Variants in MAP1LC3A observed in about 807,000 individuals in gnomAD.
MAP1LC3A encodes microtubule-associated protein 1 light chain 3 alpha.
Under a neutral mutation model 15.2 loss-of-function variants are expected in MAP1LC3A, and 10 were observed. That is an observed-to-expected ratio of 0.66 (90% CI 0.41 to 1.12). The LOEUF (loss-of-function observed/expected upper bound fraction) is 1.12. Ranked by LOEUF, MAP1LC3A falls within the 50% of genes most tolerant of loss-of-function variation. The probability of loss-of-function intolerance (pLI) is 0.00; values close to 1 mark genes in which losing one functional copy is unlikely to be tolerated. For missense variants in MAP1LC3A, 138 were observed against 167.3 expected (o/e 0.82, Z 0.97); for synonymous variants, 63 against 64.3 (o/e 0.98, Z 0.10).
At chr20:34,549,252 T>C (rs1225899737) in intron 1 of MAP1LC3A, among the ~76,000 whole-genome samples, 8 of 146,732 alleles carry the variant, frequency 5.5e-5, no homozygotes, top group East Asian at 4.1e-4. Context: ...TCTAGAACTC[T>C]TGACCTCAGG....
chr20:34,549,255 A>G (rs1038733108), intron 1 of MAP1LC3A, among the ~76,000 whole-genome samples: 3 of 151,740 alleles, frequency 2.0e-5, no homozygotes, highest in African/African-American at 7.3e-5. Context: ...AGAACTCTTG[A>G]CCTCAGGTGA....
In MAP1LC3A at chr20:34,559,409, G is replaced by T. The variant is rs1401429745; in HGVS notation, c.159G>T (p.Leu53Phe). 6.5e-7 allele frequency: 1 copy of T among 1,547,422 alleles called. No homozygotes were observed. Among genetic ancestry groups the T allele is most frequent in the East Asian group, 2.5e-5 (1 of 39,480 alleles). ...CCGTCCTGGACAAGACCAAGTTTTTGGTCCCGGACCATGTCAACATGAGCG... is the reference window on the plus strand; with the variant it reads ...CCGTCCTGGACAAGACCAAGTTTTTTGTCCCGGACCATGTCAACATGAGCG... ...QLPVLDKTKF[L>F]VPDHVNMSEL... is the part of the protein sequence containing the mutation. Residue 53 changes from leucine to phenylalanine, a missense_variant, in exon 3 of 4, where the codon TTG (leucine) becomes TTT (phenylalanine). Transcript: ENST00000360668.
intron 1 of MAP1LC3A, among the ~76,000 whole-genome samples, chr20:34,547,909 T>C (rs1461271597): frequency 6.6e-6 from 1 of 151,918 alleles, no homozygotes; most frequent in Non-Finnish European, 1.5e-5. Context: ...GAATGAAACT[T>C]TGGAAGGGGC....
At chr20:34,550,108 A>G in intron 2 of MAP1LC3A, 2 of 1,434,000 alleles carry the variant, frequency 1.4e-6, no homozygotes, top group East Asian at 2.3e-5. Context: ...TCAGTGGCCA[A>G]GCAGGCCAGG....
At chr20:34,549,239 T>G (rs765529448) in intron 1 of MAP1LC3A, among the ~76,000 whole-genome samples, 2 of 152,062 alleles carry the variant, frequency 1.3e-5, no homozygotes, top group Non-Finnish European at 2.9e-5. Context: ...TTGGCCAGGC[T>G]GGTCTAGAAC....
intron 2 of MAP1LC3A, chr20:34,550,080 TG>T (rs781659184): frequency 6.4e-7 from 1 of 1,573,578 alleles, no homozygotes; most frequent in Non-Finnish European, 8.7e-7. Flanking sequence ...GCCTATGGTC[TG>T]TCCACACTCG....
At chr20:34,551,846 G>GC (rs1310296662) in intron 2 of MAP1LC3A, among the ~76,000 whole-genome samples, 1 of 152,056 alleles carries the variant, frequency 6.6e-6, no homozygotes. Context: ...TGACACCTCT[G>GC]CATTTCATTG....
chr20:34,548,777 C>T (rs532272008), intron 1 of MAP1LC3A, among the ~76,000 whole-genome samples: 1 of 151,630 alleles, frequency 6.6e-6, no homozygotes, highest in African/African-American at 2.4e-5. Context: ...ACAATCTCGA[C>T]TCACTAAAAC....
At chr20:34,557,368 C>G (rs1982198309), upstream of MAP1LC3A, among the ~76,000 whole-genome samples, 2 of 152,172 alleles carry the variant, frequency 1.3e-5, no homozygotes, top group African/African-American at 4.8e-5. Context: ...TGGTGATCCT[C>G]TTAAATATCT....
In MAP1LC3A at chr20:34,559,333, C is replaced by G; in HGVS notation, c.97-14C>G. The G allele has an allele frequency of 6.2e-7, 1 of 1,601,224 alleles. No homozygotes were observed. The highest frequency in any genetic ancestry group is 8.5e-7 in the Non-Finnish European group (1 of 1,172,722). On this transcript the variant is annotated splice_polypyrimidine_tract_variant and intron_variant, in intron 2 of 3. Coordinates refer to ENST00000360668, the MANE Select transcript of MAP1LC3A (RefSeq NM_032514.4). ...TTCCCGACACGACCCCCTGCCCGCCCGCCCTGCTCCCAGGTGATCATCGAG... is the reference window on the plus strand; with the variant it reads ...TTCCCGACACGACCCCCTGCCCGCCGGCCCTGCTCCCAGGTGATCATCGAG...
chr20:34,559,791 A>G lies in MAP1LC3A; in HGVS notation c.259A>G (p.Ser87Gly). The G allele has an allele frequency of 2.5e-6, 4 of 1,613,772 alleles. No individual in the cohort carries two copies. Among genetic ancestry groups the G allele is most frequent in the Non-Finnish European group, 3.4e-6 (4 of 1,179,906 alleles). Residue 87 changes from serine to glycine, a missense_variant, in exon 4 of 4, where the codon AGC (serine) becomes GGC (glycine). Ser to Gly is a moderately conservative substitution (Grantham distance 56). Transcript: ENST00000360668. ...CTTCTTCCTGCTGGTGAACCAGCAC[A>G]GCATGGTGAGTGTGTCCACGCCCAT... Reference protein sequence around the residue: ...QAFFLLVNQHSMVSVSTPIAD... With the variant: ...QAFFLLVNQHGMVSVSTPIAD...
chr20:34,555,929 G>A (rs980633615), upstream of MAP1LC3A, among the ~76,000 whole-genome samples: 5 of 150,488 alleles, frequency 3.3e-5, no homozygotes, highest in South Asian at 2.1e-4. Context: ...TGCAAGCTCC[G>A]CCTCCCAGGT....
At chr20:34,559,134 GC>G in intron 1 of MAP1LC3A, 73 bp from the exon 2 acceptor site, 1 of 1,406,530 alleles carries the variant, frequency 7.1e-7, no homozygotes, top group South Asian at 1.5e-5. Context: ...GTGGCCGGGG[GC>G]CGCCCCTCCG....
upstream of MAP1LC3A, among the ~76,000 whole-genome samples, chr20:34,554,527 C>T (rs1982077299): frequency 2.6e-5 from 4 of 151,886 alleles, no homozygotes; most frequent in South Asian, 8.3e-4. Flanking sequence ...GCATGCACCA[C>T]CACGCCCAGC....
rs991006004 is a variant in MAP1LC3A, at chr20:34,558,944, AG to A, written c.40+40del. The A allele has an allele frequency of 1.3e-4, 182 of 1,362,580 alleles. No homozygotes were observed. The African/African-American group carries it at 2.3e-3, about 18-fold the overall frequency. 84.4% of individuals were successfully genotyped at this position (1,362,580 alleles called of 1,614,324 possible). On this transcript the variant is annotated intron_variant, in intron 1 of 3. Coordinates refer to ENST00000360668, the MANE Select transcript of MAP1LC3A (RefSeq NM_032514.4). The surrounding 1 kb of genome is among the most constrained non-coding windows in gnomAD (Gnocchi z 4.3). ...GCAGGCGAGCTGCGAGCTCTGGGGC[AG>A]GGGTGCCGGCCGACCCCGACTGCCG...
intron 1 of MAP1LC3A, among the ~76,000 whole-genome samples, chr20:34,549,644 A>G (rs1221136644): frequency 6.6e-6 from 1 of 152,168 alleles, no homozygotes; most frequent in Admixed American, 6.5e-5. Context: ...GCTTATTCCC[A>G]TTTTTAATGA....
At position 34,559,413 on chromosome 20, in the gene MAP1LC3A, C is replaced by G. The variant is rs371394778; in HGVS notation, c.163C>G (p.Pro55Ala). 1.9e-6 allele frequency: 3 copies of G among 1,613,444 alleles called. No individual in the cohort carries two copies. The highest frequency in any genetic ancestry group is 2.5e-6 in the Non-Finnish European group (3 of 1,179,778). The change falls in exon 3 of 4, where the codon CCG becomes GCG. Residue 55 changes from proline to alanine, a missense_variant. Transcript: ENST00000360668. ...PVLDKTKFLV[P>A]DHVNMSELVK... Reference sequence around the variant, plus strand: ...CCTGGACAAGACCAAGTTTTTGGTCCCGGACCATGTCAACATGAGCGAGTT... The same window carrying G: ...CCTGGACAAGACCAAGTTTTTGGTCGCGGACCATGTCAACATGAGCGAGTT...
chr20:34,557,819 G>A (rs1235492257), upstream of MAP1LC3A, among the ~76,000 whole-genome samples: 2 of 152,136 alleles, frequency 1.3e-5, no homozygotes, highest in African/African-American at 2.4e-5. Flanking sequence ...CAGCTACTGA[G>A]GAGGCTGACT....
chr20:34,551,997 G>A (rs1176481513), intron 2 of MAP1LC3A, among the ~76,000 whole-genome samples: 2 of 152,160 alleles, frequency 1.3e-5, no homozygotes, highest in Non-Finnish European at 2.9e-5. Context: ...TAAAGCAGAT[G>A]AAGCCAACTG....
Sources: allele counts gnomAD v4.1 joint callset (sites outside exome capture counted in the v4.1 genomes callset), GRCh38; gene constraint gnomAD v4.1.1; non-coding constraint Gnocchi (gnomAD v3.1); transcripts MANE v1.5; gene names NCBI Gene and HGNC (gene_info 2026-07-23, HGNC 2026-07-21).